Variants in ARPP21 observed in about 807,000 individuals in gnomAD.
ARPP21 encodes the protein cAMP regulated phosphoprotein 21.
Under a neutral mutation model 113.2 loss-of-function variants are expected in ARPP21, and 69 were observed. That is an observed-to-expected ratio of 0.61 (90% CI 0.50 to 0.74). The LOEUF (loss-of-function observed/expected upper bound fraction) is 0.74. ARPP21 is among the 30% of genes least tolerant of loss of function. ARPP21 has a pLI of 0.00. For missense variants in ARPP21, 1,070 were observed against 1,037.4 expected (o/e 1.03, Z -0.43); for synonymous variants, 368 against 375.5 (o/e 0.98, Z 0.23).
At chr3:35,723,606 G>A (rs926331691) in intron 14 of ARPP21, among the ~76,000 whole-genome samples, 2 of 152,144 alleles carry the variant, frequency 1.3e-5, no homozygotes, top group East Asian at 1.9e-4. Context: ...TGAAAACCAA[G>A]TACTTTAAAT....
At chr3:35,747,947 A>G (rs543431958) in intron 19 of ARPP21, among the ~76,000 whole-genome samples, 56 of 142,936 alleles carry the variant, frequency 3.9e-4, no homozygotes, top group Non-Finnish European at 6.8e-4. Context: ...GAAAGAAAGA[A>G]AAAGAAAGAA....
chr3:35,712,510 G>A (rs2091412607), intron 11 of ARPP21, among the ~76,000 whole-genome samples: 1 of 107,074 alleles, frequency 9.3e-6, no homozygotes, highest in South Asian at 3.4e-4. Context: ...GGTGTCTAAG[G>A]TGTCTGTGTG....
intron 1 of ARPP21, among the ~76,000 whole-genome samples, chr3:35,664,653 G>C (rs1270584219): frequency 6.6e-6 from 1 of 152,154 alleles, no homozygotes; most frequent in African/African-American, 2.4e-5. Context: ...GCAGGAATTT[G>C]TTGGTTGTTT....
chr3:35,708,300 C>T (rs1238645222), intron 10 of ARPP21, among the ~76,000 whole-genome samples: 3 of 152,126 alleles, frequency 2.0e-5, no homozygotes, highest in African/African-American at 7.2e-5. Context: ...GAGCAGTCCT[C>T]ATGCTGGGTT....
chr3:35,673,384 C>A (rs1411310891), intron 1 of ARPP21, among the ~76,000 whole-genome samples: 1 of 151,908 alleles, frequency 6.6e-6, no homozygotes, highest in Admixed American at 6.6e-5. Context: ...GAAAGAAAAT[C>A]CTTTCATTCG....
intron 13 of ARPP21, 74 bp from the exon 14 acceptor site, chr3:35,721,531 T>C: frequency 1.2e-6 from 1 of 850,110 alleles, no homozygotes; most frequent in Non-Finnish European, 1.9e-6. Flanking sequence ...AGAAAAGCCT[T>C]GCTCTGTGCC....
At chr3:35,697,312 G>A (rs1031914660) in intron 9 of ARPP21, among the ~76,000 whole-genome samples, 2 of 151,574 alleles carry the variant, frequency 1.3e-5, no homozygotes, top group African/African-American at 4.8e-5. Context: ...CAAAAATAGT[G>A]GCCGACAGGC....
chr3:35,736,869 G>A (rs532194348), intron 15 of ARPP21, among the ~76,000 whole-genome samples: 2 of 152,322 alleles, frequency 1.3e-5, no homozygotes, highest in African/African-American at 4.8e-5. Context: ...GCTTTGTGAA[G>A]ATTGCTTCTC....
At chr3:35,647,896 C>G (rs1700854126) in intron 1 of ARPP21, among the ~76,000 whole-genome samples, 1 of 152,120 alleles carries the variant, frequency 6.6e-6, no homozygotes, top group African/African-American at 2.4e-5. Flanking sequence ...CTTGCAGGAT[C>G]AAAGCAGAAA....
chr3:35,787,411 T>A (rs2096655465), intron 19 of ARPP21, among the ~76,000 whole-genome samples: 1 of 152,186 alleles, frequency 6.6e-6, no homozygotes, highest in African/African-American at 2.4e-5. Context: ...CTTCAAAGAT[T>A]GTGAGGAAAG....
chr3:35,727,330 A>G (rs2093611634), intron 14 of ARPP21, among the ~76,000 whole-genome samples: 1 of 152,218 alleles, frequency 6.6e-6, no homozygotes, highest in Non-Finnish European at 1.5e-5. Context: ...ATCTAGCTAT[A>G]TCTAGCTGAC....
intron 11 of ARPP21, among the ~76,000 whole-genome samples, chr3:35,709,950 A>G (rs938974461): frequency 1.3e-5 from 2 of 152,176 alleles, no homozygotes; most frequent in African/African-American, 4.8e-5. Flanking sequence ...AGCCCAGAGA[A>G]GTAGGCTTCA....
chr3:35,713,600 C>T (rs2091797078), intron 11 of ARPP21, among the ~76,000 whole-genome samples: 1 of 152,036 alleles, frequency 6.6e-6, no homozygotes, highest in South Asian at 2.1e-4. Flanking sequence ...CACCATGTTG[C>T]CCACGCTGGT....
At chr3:35,792,351 A>G (rs965838177) in intron 19 of ARPP21, 31 bp from the exon 20 acceptor site, 10 of 1,610,786 alleles carry the variant, frequency 6.2e-6, no homozygotes, top group Non-Finnish European at 6.8e-6. Flanking sequence ...CTTTCTGCAC[A>G]ACCAGTTCAA....
intron 19 of ARPP21, among the ~76,000 whole-genome samples, chr3:35,753,248 G>A (rs1212096677): frequency 6.6e-6 from 1 of 151,644 alleles, no homozygotes; most frequent in African/African-American, 2.4e-5. Context: ...GCAAAACTGT[G>A]GTTAAATATT....
chr3:35,651,222 G>T (rs1173135742), intron 1 of ARPP21, among the ~76,000 whole-genome samples: 2 of 151,952 alleles, frequency 1.3e-5, no homozygotes, highest in Non-Finnish European at 2.9e-5. Flanking sequence ...TTCATTGGCA[G>T]CAAAAACAAT....
rs1008046671 is a variant in ARPP21 at position 35,685,180 on chromosome 3, T to C, written c.261+1365T>C. The C allele has an allele frequency of 4.1e-6, 4 of 985,242 alleles. No individual in the cohort carries two copies. The Admixed American group carries it at 1.9e-4, about 46-fold the overall frequency. 61.0% of individuals were successfully genotyped at this position (985,242 alleles called of 1,614,324 possible). A position where few individuals can be genotyped will look rare whatever the true frequency, so the allele number is the denominator to read the frequency against. The stretch of plus-strand genomic sequence containing the variant: ...CTGCTTTTTGTCCCATTTGACAAGG[T>C]ACCAGGAGGAAATTTTTTAAGGGAT... On this transcript the variant is annotated intron_variant, in intron 5 of 20. Transcript: ENST00000684406.
chr3:35,761,669 A>G (rs936793999), intron 19 of ARPP21, among the ~76,000 whole-genome samples: 2 of 151,798 alleles, frequency 1.3e-5, no homozygotes, highest in African/African-American at 2.4e-5. Context: ...GAGATTCTTG[A>G]TTATTCAATG....
chr3:35,792,218 A>G, intron 19 of ARPP21, 164 bp from the exon 20 acceptor site: 1 of 664,412 alleles, frequency 1.5e-6, no homozygotes, highest in East Asian at 2.5e-5. Context: ...TTAGAAGTAA[A>G]AAAAAGAGAA....
Sources: gnomAD v4.1 joint callset for allele counts (sites outside exome capture counted in the v4.1 genomes callset) on GRCh38, gnomAD v4.1.1 for gene constraint, MANE v1.5 for transcripts, NCBI Gene and HGNC (gene_info 2026-07-23, HGNC 2026-07-21) for gene names.